NALF1: variants seen among roughly 807,000 people sequenced by gnomAD.
The protein encoded by NALF1 is family with sequence similarity 155 member A.
In NALF1, 3 loss-of-function variants were observed where a neutral mutation model predicts 48.4. The ratio of observed to expected loss-of-function variants is 0.06; its 90% CI spans 0.03 to 0.16. The LOEUF is 0.16. NALF1 is among the 10% of genes least tolerant of loss of function. The pLI, the probability that NALF1 is intolerant of heterozygous loss-of-function variation, is 1.00. For missense variants in NALF1, 526 were observed against 571.5 expected (o/e 0.92, Z 0.81); for synonymous variants, 262 against 245.7 (o/e 1.07, Z -0.62).
intron 1 of NALF1, among the ~76,000 whole-genome samples, chr13:107,762,149 C>T (rs2138562276): frequency 6.6e-6 from 1 of 151,596 alleles, no homozygotes; most frequent in Admixed American, 6.6e-5. Flanking sequence ...TTGGTGTGTG[C>T]TATGGTGCCA....
intron 1 of NALF1, among the ~76,000 whole-genome samples, chr13:107,771,335 A>T (rs1039273414): frequency 1.3e-5 from 2 of 151,888 alleles, no homozygotes; most frequent in Non-Finnish European, 2.9e-5. Flanking sequence ...TAAATTGCAG[A>T]AGGCCTATAA....
chr13:107,815,055 G>A (rs1366924038), intron 1 of NALF1, among the ~76,000 whole-genome samples: 3 of 152,054 alleles, frequency 2.0e-5, no homozygotes, highest in Admixed American at 2.0e-4. Flanking sequence ...AAAGTTCGTA[G>A]AAGAAAACAT....
At chr13:107,819,683 TTCTC>T (rs35254661) in intron 1 of NALF1, among the ~76,000 whole-genome samples, 892 of 136,512 alleles carry the variant, frequency 6.5e-3, no homozygotes, top group Non-Finnish European at 9.1e-3. Flanking sequence ...CAGCTGGAAA[TTCTC>T]TCTCTCTCTC....
intron 1 of NALF1, among the ~76,000 whole-genome samples, chr13:107,324,041 C>T (rs1406868841): frequency 6.6e-6 from 1 of 152,086 alleles, no homozygotes; most frequent in African/African-American, 2.4e-5. Context: ...TCCAAGAATT[C>T]GAGGTTACAG....
intron 1 of NALF1, among the ~76,000 whole-genome samples, chr13:107,761,936 C>G (rs1877274998): frequency 6.6e-6 from 1 of 152,134 alleles, no homozygotes; most frequent in South Asian, 2.1e-4. Flanking sequence ...TTTAAATATG[C>G]CCACTACATA....
intron 1 of NALF1, among the ~76,000 whole-genome samples, chr13:107,323,680 C>T (rs1882298584): frequency 6.6e-6 from 1 of 152,146 alleles, no homozygotes; most frequent in Non-Finnish European, 1.5e-5. Flanking sequence ...GTACTACAGT[C>T]GACCTGCAAT....
At chr13:107,174,941 C>T (rs994110969) in intron 2 of NALF1, among the ~76,000 whole-genome samples, 122 of 146,932 alleles carry the variant, frequency 8.3e-4, no homozygotes, top group African/African-American at 2.0e-3. Context: ...TGGAGTGCAG[C>T]GGCGCGATCT....
At chr13:107,601,650 A>C (rs1247008319) in intron 1 of NALF1, among the ~76,000 whole-genome samples, 3 of 152,212 alleles carry the variant, frequency 2.0e-5, no homozygotes, top group African/African-American at 7.2e-5. Flanking sequence ...TTTTCAAAGA[A>C]CTAAGGCAGT....
At chr13:107,416,257 T>C (rs9520435) in intron 1 of NALF1, among the ~76,000 whole-genome samples, 50,585 of 151,246 alleles carry the variant, frequency 0.33, 9,344 homozygotes, top group African/African-American at 0.51. Context: ...CCTCGTGATC[T>C]GCCTGCCTTG....
chr13:107,774,821 C>A (rs1877679230), intron 1 of NALF1, among the ~76,000 whole-genome samples: 1 of 152,096 alleles, frequency 6.6e-6, no homozygotes, highest in South Asian at 2.1e-4. Flanking sequence ...AAAAAAACAG[C>A]CCTAAATCTC....
intron 1 of NALF1, among the ~76,000 whole-genome samples, chr13:107,826,199 G>A (rs1418647935): frequency 6.6e-6 from 1 of 152,212 alleles, no homozygotes; most frequent in Non-Finnish European, 1.5e-5. Flanking sequence ...AGAAAGAGAC[G>A]GAACATTCAT....
intron 1 of NALF1, among the ~76,000 whole-genome samples, chr13:107,413,421 A>G (rs574946513): frequency 6.6e-6 from 1 of 152,318 alleles, no homozygotes; most frequent in South Asian, 2.1e-4. Flanking sequence ...TGCATATTAT[A>G]AACAAGTGAT....
chr13:107,356,077 C>T (rs950878175), intron 1 of NALF1, among the ~76,000 whole-genome samples: 33 of 152,062 alleles, frequency 2.2e-4, no homozygotes, highest in African/African-American at 8.0e-4. Flanking sequence ...GCCCTGGGTA[C>T]CCACTCCTTA....
chr13:107,567,459 C>T (rs1398196324), intron 1 of NALF1, among the ~76,000 whole-genome samples: 1 of 152,212 alleles, frequency 6.6e-6, no homozygotes, highest in Non-Finnish European at 1.5e-5. Context: ...TGACACCCAA[C>T]TTCACATTTT....
chr13:107,668,841 A>C (rs750815795), intron 1 of NALF1, among the ~76,000 whole-genome samples: 2 of 152,068 alleles, frequency 1.3e-5, no homozygotes, highest in Non-Finnish European at 2.9e-5. Context: ...CATGAAATTT[A>C]ATGAGATCAG....
chr13:107,341,711 G>C (rs1399429967), intron 1 of NALF1, among the ~76,000 whole-genome samples: 1 of 150,832 alleles, frequency 6.6e-6, no homozygotes, highest in Non-Finnish European at 1.5e-5. Context: ...ATTATATATA[G>C]TATATATGGA....
In NALF1 at chr13:107,362,923, T is replaced by C. The variant is rs12430847; in HGVS notation, c.916-152168A>G. Among the ~76,000 whole-genome samples the C allele has an allele frequency of 6.6e-6, 1 of 152,098 alleles. No individual in the cohort carries two copies. The highest frequency in any genetic ancestry group is 1.5e-5 in the Non-Finnish European group (1 of 68,020). ...ATGATAAAGGTAGAAACTATCTTCT[T>C]ATATCCCTTTTCATAGAACTATGAT... On this transcript the variant is annotated intron_variant, in intron 1 of 2. Transcript: ENST00000375915. The surrounding 1 kb of genome is among the most constrained non-coding windows in gnomAD (Gnocchi z 4.6).
Position 107,163,726 on chromosome 13 carries a change from A to T in NALF1, c.*6771T>A, listed in dbSNP as rs774306353. ...GTACATTCAGAAAAACAATTTAAAA[A>T]TAATACATGAGTTTATACAGTCCTT... On this transcript the variant is annotated 3_prime_UTR_variant, in exon 3 of 3. Coordinates refer to ENST00000375915, the MANE Select transcript of NALF1 (RefSeq NM_001080396.3). 1.3e-5 allele frequency: 2 copies of T among 152,226 alleles called. No individual in the cohort carries two copies. The highest frequency in any genetic ancestry group is 2.9e-5 in the Non-Finnish European group (2 of 68,038). The allele number at this position is 152,226 out of a possible 1,614,324, so 9.4% of individuals were successfully genotyped here. A position where few individuals can be genotyped will look rare whatever the true frequency, so the allele number is the denominator to read the frequency against.
intron 1 of NALF1, among the ~76,000 whole-genome samples, chr13:107,792,749 T>C (rs1878288654): frequency 6.6e-6 from 1 of 152,198 alleles, no homozygotes; most frequent in African/African-American, 2.4e-5. Flanking sequence ...GGTGATATAA[T>C]TTCATGTTTT....
Sources: allele counts gnomAD v4.1 joint callset (sites outside exome capture counted in the v4.1 genomes callset), GRCh38; gene constraint gnomAD v4.1.1; non-coding constraint Gnocchi (gnomAD v3.1); transcripts MANE v1.5; gene names NCBI Gene and HGNC (gene_info 2026-07-23, HGNC 2026-07-21).